The following PCCA variants were observed in gnomAD, a reference collection of about 807,000 sequenced individuals.
The protein encoded by PCCA is propionyl-CoA carboxylase alpha chain, mitochondrial.
Under a neutral mutation model 101.3 loss-of-function variants are expected in PCCA, and 74 were observed. The observed-to-expected ratio is 0.73, with a 90% confidence interval of 0.61 to 0.89. The LOEUF (loss-of-function observed/expected upper bound fraction) is 0.89. Ranked by LOEUF, PCCA falls within the 40% of genes least tolerant of loss-of-function variation. The pLI, the probability that PCCA is intolerant of heterozygous loss-of-function variation, is 0.00. For synonymous variants in PCCA, 294 were observed against 313.6 expected, an observed-to-expected ratio of 0.94 and a Z score of 0.66; for missense variants, 891 against 907.0, an observed-to-expected ratio of 0.98 and a Z score of 0.23.
chr13:100,466,504 AT>A (rs2082527309), intron 21 of PCCA, among the ~76,000 whole-genome samples: 1 of 152,210 alleles, frequency 6.6e-6, no homozygotes, highest in South Asian at 2.1e-4. Context: ...ATCCGTGTTA[AT>A]TACCTAAGGT....
intron 4 of PCCA, among the ~76,000 whole-genome samples, chr13:100,128,014 G>C (rs1827587073): frequency 6.6e-6 from 1 of 152,154 alleles, no homozygotes; most frequent in South Asian, 2.1e-4. Context: ...CTTAGTGGAG[G>C]GAAAGGACAT....
At chr13:100,117,282 A>T (rs909503681) in intron 4 of PCCA, among the ~76,000 whole-genome samples, 1 of 152,290 alleles carries the variant, frequency 6.6e-6, no homozygotes, top group African/African-American at 2.4e-5. Context: ...AATGAAAAAA[A>T]TTAGAAAAGT....
At chr13:100,123,051 G>T (rs2049566476) in intron 4 of PCCA, among the ~76,000 whole-genome samples, 1 of 152,220 alleles carries the variant, frequency 6.6e-6, no homozygotes, top group South Asian at 2.1e-4. Flanking sequence ...GTTATACAAT[G>T]AACTGAATAA....
At chr13:100,111,162 C>A (rs953993758) in intron 2 of PCCA, among the ~76,000 whole-genome samples, 1 of 149,582 alleles carries the variant, frequency 6.7e-6, no homozygotes, top group African/African-American at 2.5e-5. Flanking sequence ...GAGGCGCGTA[C>A]CACTAGACCC....
intron 19 of PCCA, among the ~76,000 whole-genome samples, chr13:100,385,423 A>T (rs2076446104): frequency 6.6e-6 from 1 of 152,168 alleles, no homozygotes; most frequent in Non-Finnish European, 1.5e-5. Flanking sequence ...ACTCTTACAA[A>T]TCAATATGAA....
intron 9 of PCCA, among the ~76,000 whole-genome samples, chr13:100,259,306 A>G (rs1415235804): frequency 6.7e-6 from 1 of 149,806 alleles, no homozygotes; most frequent in African/African-American, 2.5e-5. Flanking sequence ...GACATCTGAA[A>G]GATTTTTTTT....
intron 1 of PCCA, among the ~76,000 whole-genome samples, chr13:100,089,490 T>A (rs1456408027): frequency 6.6e-6 from 1 of 152,240 alleles, no homozygotes; most frequent in African/African-American, 2.4e-5. Context: ...CCGCACGCCC[T>A]CCGAGGCGGC....
At chr13:100,264,083 A>G (rs1471072685) in intron 10 of PCCA, among the ~76,000 whole-genome samples, 2 of 146,110 alleles carry the variant, frequency 1.4e-5, no homozygotes, top group East Asian at 4.0e-4. Flanking sequence ...TATCGTATAT[A>G]TACGGTATCT....
intron 17 of PCCA, among the ~76,000 whole-genome samples, chr13:100,333,842 T>A (rs2070015583): frequency 6.6e-6 from 1 of 152,132 alleles, no homozygotes. Context: ...TTCCACTGAA[T>A]TTAGTCAAGT....
chr13:100,216,649 T>C (rs538225883), intron 7 of PCCA, among the ~76,000 whole-genome samples: 9 of 152,308 alleles, frequency 5.9e-5, no homozygotes, highest in Non-Finnish European at 8.8e-5. Flanking sequence ...ACATATTGTT[T>C]AGTCACATCT....
In PCCA at chr13:100,462,479, G is replaced by C. The variant is rs114290639; in HGVS notation, c.1899+13174G>C. Among the ~76,000 whole-genome samples, 1,015 of 152,240 alleles carry C rather than the reference G, an allele frequency of 6.7e-3. 14 individuals are homozygous for C. Among genetic ancestry groups the C allele is most frequent in the African/African-American group, 0.023 (976 of 41,536 alleles). ...AGACAAACTGATACCATGCAAACAT[G>C]GTATCAGTGCTGAGATGGGTAATGC... On this transcript the variant is annotated intron_variant, in intron 21 of 23. Transcript: ENST00000376285.
At chr13:100,142,877 G>A (rs978314328) in intron 4 of PCCA, among the ~76,000 whole-genome samples, 3 of 152,200 alleles carry the variant, frequency 2.0e-5, no homozygotes, top group Admixed American at 6.5e-5. Flanking sequence ...AGGTTCAGCT[G>A]GTGGCCCAGC....
chr13:100,251,609 T>C (rs2061759085), intron 8 of PCCA, among the ~76,000 whole-genome samples: 1 of 152,176 alleles, frequency 6.6e-6, no homozygotes, highest in Non-Finnish European at 1.5e-5. Context: ...TTTTTAATAA[T>C]GGGTGAAAAT....
intron 12 of PCCA, among the ~76,000 whole-genome samples, chr13:100,281,197 T>C (rs1048038995): frequency 2.0e-5 from 3 of 152,146 alleles, no homozygotes; most frequent in Non-Finnish European, 4.4e-5. Context: ...AGGTGAAAGT[T>C]CTAGACTTAA....
chr13:100,384,888 G>T (rs1486832538), intron 19 of PCCA, among the ~76,000 whole-genome samples: 1 of 152,074 alleles, frequency 6.6e-6, no homozygotes, highest in Non-Finnish European at 1.5e-5. Context: ...TATAATAAAG[G>T]ACTATAATTC....
chr13:100,457,641 C>T (rs139561538), intron 21 of PCCA, among the ~76,000 whole-genome samples: 211 of 152,292 alleles, frequency 1.4e-3, no homozygotes, highest in African/African-American at 4.9e-3. Flanking sequence ...AGTAATCGCA[C>T]CTGCCCTTTG....
At chr13:100,223,277 G>A (rs1381361852) in intron 7 of PCCA, among the ~76,000 whole-genome samples, 5 of 152,110 alleles carry the variant, frequency 3.3e-5, no homozygotes, top group African/African-American at 4.8e-5. Context: ...GAATGAAGCC[G>A]CGGACCCTCG....
chr13:100,428,495 C>T (rs918740615), intron 20 of PCCA, among the ~76,000 whole-genome samples: 32 of 151,964 alleles, frequency 2.1e-4, no homozygotes, highest in Admixed American at 4.6e-4. Context: ...AGAAGCAGAG[C>T]AAAAACTTGG....
intron 17 of PCCA, among the ~76,000 whole-genome samples, chr13:100,339,221 A>T (rs1346242066): frequency 6.6e-6 from 1 of 152,198 alleles, no homozygotes; most frequent in Non-Finnish European, 1.5e-5. Flanking sequence ...ATGACAAGAA[A>T]AAAAAGCCTG....
Sources: gnomAD v4.1 joint callset for allele counts (sites outside exome capture counted in the v4.1 genomes callset) on GRCh38, gnomAD v4.1.1 for gene constraint, MANE v1.5 for transcripts, NCBI Gene and HGNC (gene_info 2026-07-23, HGNC 2026-07-21) for gene names.